The following CYP2C19 variants were observed in gnomAD, a reference collection of about 807,000 sequenced individuals.
CYP2C19 encodes the protein cytochrome P450 2C19.
CYP2C19 carries 59 observed loss-of-function variants against 40.9 expected under a neutral mutation model. That is an observed-to-expected ratio of 1.44 (90% confidence interval 1.17 to 1.79). CYP2C19 has a LOEUF of 1.79. Ranked by LOEUF, CYP2C19 falls within the 40% of genes most tolerant of loss-of-function variation. The probability of loss-of-function intolerance (pLI) is 0.00; values close to 1 mark genes in which losing one functional copy is unlikely to be tolerated. For missense variants in CYP2C19, 754 were observed against 596.9 expected (o/e 1.26, Z -2.74); for synonymous variants, 253 against 208.7 (o/e 1.21, Z -1.83).
At position 94,838,624 on chromosome 10, in the gene CYP2C19, T is replaced by C. The variant is rs113943028; in HGVS notation, c.962-4213T>C. 3.6e-3 allele frequency among the ~76,000 whole-genome samples: 543 copies of C among 152,226 alleles called. 2 individuals carry two copies. Among genetic ancestry groups the C allele is most frequent in the African/African-American group, 0.012 (518 of 41,530 alleles). ...CTTTGGTTCATTATTTACCCCTTTA[T>C]CTATCTCTTTTTGGACGGTTTGTGT... is the stretch of plus-strand genomic sequence containing the variant. On this transcript the variant is annotated intron_variant, in intron 6 of 8. Coordinates refer to ENST00000371321, the MANE Select transcript of CYP2C19 (RefSeq NM_000769.4).
At position 94,824,417 on chromosome 10, in the gene CYP2C19, C is replaced by T. The variant is rs184135282; in HGVS notation, c.961+3780C>T. Among the ~76,000 whole-genome samples the T allele has an allele frequency of 5.3e-5, 8 of 152,164 alleles. No individual in the cohort carries two copies. The East Asian group carries it at 1.5e-3, about 29-fold the overall frequency. ...AACGTGAATGTATTTTCAGAAGAAG[C>T]TGCTAGAATGTTCAAAATGGTAGAT... On this transcript the variant is annotated intron_variant, in intron 6 of 8. Transcript: ENST00000371321.
chr10:94,826,283 C>T (rs1849220096), intron 6 of CYP2C19, among the ~76,000 whole-genome samples: 1 of 152,016 alleles, frequency 6.6e-6, no homozygotes, highest in Non-Finnish European at 1.5e-5. Context: ...ATTCTTCCGA[C>T]CCATGAGCAT....
At chr10:94,777,290 A>G (rs1412602868) in intron 3 of CYP2C19, among the ~76,000 whole-genome samples, 1 of 152,170 alleles carries the variant, frequency 6.6e-6, no homozygotes. Flanking sequence ...TCACAGAACT[A>G]GAAAAAACTA....
At chr10:94,797,721 G>T (rs888181427) in intron 5 of CYP2C19, among the ~76,000 whole-genome samples, 8 of 152,024 alleles carry the variant, frequency 5.3e-5, no homozygotes, top group Non-Finnish European at 1.0e-4. Flanking sequence ...AGTCTTGGGA[G>T]GGTGTATTTG....
chr10:94,833,153 AT>A (rs1361639441), intron 6 of CYP2C19, among the ~76,000 whole-genome samples: 2 of 152,196 alleles, frequency 1.3e-5, no homozygotes, highest in East Asian at 1.9e-4. Flanking sequence ...TCTAATAATT[AT>A]CTTGTGGAAT....
At chr10:94,834,749 A>C (rs1340372960) in intron 6 of CYP2C19, among the ~76,000 whole-genome samples, 1 of 152,126 alleles carries the variant, frequency 6.6e-6, no homozygotes, top group Non-Finnish European at 1.5e-5. Flanking sequence ...CCTAATTAGC[A>C]TTTTAGTGAG....
chr10:94,769,261 C>T lies in CYP2C19; in HGVS notation c.169-5797C>T, dbSNP rs187414718. 1.8e-3 allele frequency among the ~76,000 whole-genome samples: 274 copies of T among 152,248 alleles called. 1 individual carries two copies. The highest frequency in any genetic ancestry group is 2.7e-3 in the Non-Finnish European group (187 of 68,012). On this transcript the variant is annotated intron_variant, in intron 1 of 8. Coordinates refer to ENST00000371321, the MANE Select transcript of CYP2C19 (RefSeq NM_000769.4). Reference sequence around the variant, plus strand: ...CTGATAGCTAAAAGTAAATCATCCACGTACTGAAGGAACAGAGTGCCTGGA... The same window carrying T: ...CTGATAGCTAAAAGTAAATCATCCATGTACTGAAGGAACAGAGTGCCTGGA...
chr10:94,811,786 A>G (rs2264938), intron 5 of CYP2C19, among the ~76,000 whole-genome samples: 42,636 of 150,890 alleles, frequency 0.28, 7,311 homozygotes, highest in Admixed American at 0.43. Context: ...CACGTGAGAT[A>G]GGTCTCCTGA....
At chr10:94,815,707 G>C (rs1043525278) in intron 5 of CYP2C19, among the ~76,000 whole-genome samples, 1 of 152,096 alleles carries the variant, frequency 6.6e-6, no homozygotes, top group East Asian at 1.9e-4. Context: ...AGAAAAAGTT[G>C]TCTGTTGCCT....
At position 94,853,510 on chromosome 10, in the gene CYP2C19, G is replaced by A. The variant is rs1328843040; in HGVS notation, c.*596G>A. Among the ~76,000 whole-genome samples, 1 of 151,704 alleles carries A rather than the reference G, an allele frequency of 6.6e-6. No homozygotes were observed. Among genetic ancestry groups the A allele is most frequent in the East Asian group, 1.9e-4 (1 of 5,162 alleles). On this transcript the variant is annotated 3_prime_UTR_variant, in exon 9 of 9. Transcript: ENST00000371321. ...GGAAATATTCAGAGGATCAGGTATT[G>A]GGAGGAATGGATATTAAATGTTCCA...
rs1849625214 is a variant in CYP2C19 at position 94,849,840 on chromosome 10, A to G, written c.1150-77A>G. 3 of 1,545,288 alleles carry G rather than the reference A, an allele frequency of 1.9e-6. No individual in the cohort carries two copies. In the Admixed American group the frequency reaches 5.0e-5, roughly 26 times the overall value. ...TCATCATCTGTACATCAAAAGATTT[A>G]ACTGCATGATTACCACTGTTTCTTA... On this transcript the variant is annotated intron_variant, in intron 7 of 8. Transcript: ENST00000371321.
intron 6 of CYP2C19, among the ~76,000 whole-genome samples, chr10:94,821,509 G>A (rs1289736876): frequency 6.6e-6 from 1 of 152,138 alleles, no homozygotes; most frequent in Non-Finnish European, 1.5e-5. Context: ...ACTAAAAGAG[G>A]TACCTAAAGA....
At chr10:94,848,987 TG>T (rs1248089810) in intron 7 of CYP2C19, among the ~76,000 whole-genome samples, 3 of 152,182 alleles carry the variant, frequency 2.0e-5, no homozygotes, top group African/African-American at 7.2e-5. Context: ...GCTGAGACGA[TG>T]GGGTTGTCTA....
At chr10:94,775,875 T>C (rs1848401252) in intron 3 of CYP2C19, 3 of 351,740 alleles carry the variant, frequency 8.5e-6, no homozygotes, top group East Asian at 6.5e-5. Context: ...CCATTATCTA[T>C]TCCAGAACAT....
chr10:94,775,218 T>A lies in CYP2C19; in HGVS notation c.329T>A (p.Phe110Tyr), dbSNP rs112197069. The change falls in exon 2 of 9, where the codon TTT becomes TAT. Residue 110 changes from phenylalanine to tyrosine, a missense_variant and splice_region_variant. Transcript: ENST00000371321. ...CTGGCTGAAAGAGCTAACAGAGGAT[T>A]TGGTAGGTGTGCAAGTGCCTGTTTC... ...FPLAERANRGFGIVFSNGKRW... is the reference protein window; with the variant it reads ...FPLAERANRGYGIVFSNGKRW... 21 of 1,613,960 alleles carry A rather than the reference T, an allele frequency of 1.3e-5. No individual in the cohort carries two copies. In the African/African-American group the frequency reaches 1.5e-4, roughly 11 times the overall value.
At chr10:94,785,455 T>G (rs1275080563) in intron 5 of CYP2C19, among the ~76,000 whole-genome samples, 4 of 152,140 alleles carry the variant, frequency 2.6e-5, no homozygotes, top group African/African-American at 9.6e-5. Context: ...GCACCCTTGA[T>G]GAAAGTAAAT....
At chr10:94,766,233 G>A (rs563369679) in intron 1 of CYP2C19, among the ~76,000 whole-genome samples, 7 of 152,080 alleles carry the variant, frequency 4.6e-5, no homozygotes, top group Admixed American at 2.0e-4. Context: ...GATTGGACTG[G>A]TTTAACAAAG....
chr10:94,809,456 C>A (rs1446320133), intron 5 of CYP2C19, among the ~76,000 whole-genome samples: 1 of 152,006 alleles, frequency 6.6e-6, no homozygotes, highest in Admixed American at 6.6e-5. Context: ...CCCATTTGTC[C>A]ATTTTTACTT....
At chr10:94,783,046 C>T (rs537325634) in intron 5 of CYP2C19, among the ~76,000 whole-genome samples, 2 of 152,118 alleles carry the variant, frequency 1.3e-5, no homozygotes, top group South Asian at 4.1e-4. Context: ...CACCATGGCA[C>T]GTGTGTACCT....
Sources: gnomAD v4.1 joint callset for allele counts (sites outside exome capture counted in the v4.1 genomes callset) on GRCh38, gnomAD v4.1.1 for gene constraint, MANE v1.5 for transcripts, NCBI Gene and HGNC (gene_info 2026-07-23, HGNC 2026-07-21) for gene names.